TXNDC16: variants seen among roughly 807,000 people sequenced by gnomAD.
TXNDC16 encodes the protein thioredoxin domain containing 16.
A neutral mutation model predicts 85.6 loss-of-function variants in TXNDC16; 74 were observed. That is an observed-to-expected ratio of 0.86 (90% CI 0.72 to 1.05). The LOEUF (loss-of-function observed/expected upper bound fraction) is 1.05, where lower values mean the gene tolerates loss of function less well. Among genes scored for constraint, TXNDC16 ranks in the 50% least tolerant of loss-of-function variants. The pLI, the probability that TXNDC16 is intolerant of heterozygous loss-of-function variation, is 0.00. For missense variants in TXNDC16, 959 were observed against 947.0 expected (o/e 1.01, Z -0.17); for synonymous variants, 335 against 326.5 (o/e 1.03, Z -0.28).
At chr14:52,502,934 GC>G (rs1350404625) in intron 9 of TXNDC16, among the ~76,000 whole-genome samples, 3 of 152,152 alleles carry the variant, frequency 2.0e-5, no homozygotes, top group African/African-American at 4.8e-5. Context: ...TATATCCCGC[GC>G]TTGAGGGCTC....
chr14:52,524,867 T>A (rs113672280), intron 6 of TXNDC16, among the ~76,000 whole-genome samples: 171 of 151,606 alleles, frequency 1.1e-3, no homozygotes, highest in African/African-American at 4.0e-3. Context: ...ACTCCTGTAA[T>A]CCCAGCACTT....
chr14:52,506,712 G>C (rs1264215395), intron 9 of TXNDC16, among the ~76,000 whole-genome samples: 1 of 142,226 alleles, frequency 7.0e-6, no homozygotes, highest in African/African-American at 2.7e-5. Context: ...GCCCGCCACC[G>C]CGCCCGGCTA....
At chr14:52,484,054 G>A (rs900407983) in intron 12 of TXNDC16, among the ~76,000 whole-genome samples, 3 of 152,160 alleles carry the variant, frequency 2.0e-5, no homozygotes, top group Non-Finnish European at 1.5e-5. Context: ...CTGGATATAC[G>A]ATGGTATTAA....
intron 16 of TXNDC16, 41 bp downstream of exon 16, chr14:52,469,996 A>G: frequency 6.6e-7 from 1 of 1,515,022 alleles, no homozygotes; most frequent in Non-Finnish European, 8.8e-7. Flanking sequence ...GCAAGCAATG[A>G]TATACTCTAC....
intron 16 of TXNDC16, among the ~76,000 whole-genome samples, chr14:52,462,171 T>C (rs1382100347): frequency 1.3e-5 from 2 of 152,222 alleles, no homozygotes; most frequent in Non-Finnish European, 2.9e-5. Context: ...TGCTGGCTTT[T>C]AAATGGTTTC....
intron 7 of TXNDC16, among the ~76,000 whole-genome samples, chr14:52,516,264 T>C (rs1179821029): frequency 6.6e-6 from 1 of 152,196 alleles, no homozygotes; most frequent in Non-Finnish European, 1.5e-5. Context: ...AACACCTTCC[T>C]GTGAGAGGAC....
At chr14:52,502,292 A>G (rs2036677028) in intron 9 of TXNDC16, among the ~76,000 whole-genome samples, 2 of 152,250 alleles carry the variant, frequency 1.3e-5, no homozygotes, top group Admixed American at 1.3e-4. Flanking sequence ...CTTATGCATT[A>G]TTCTGTGAAA....
chr14:52,518,555 C>A lies in TXNDC16; in HGVS notation c.514+617G>T, dbSNP rs555458763. ...TTACTTCCCAAACACTGCTAAAATT[C>A]AAATTTATTGCCACCTCCACTGCCA... is the stretch of plus-strand genomic sequence containing the variant. On this transcript the variant is annotated intron_variant, in intron 7 of 20. Coordinates refer to ENST00000281741, the MANE Select transcript of TXNDC16 (RefSeq NM_020784.3). Among the ~76,000 whole-genome samples the A allele has an allele frequency of 6.5e-4, 99 of 152,272 alleles. 1 individual carries two copies. The highest frequency in any genetic ancestry group is 1.9e-3 in the African/African-American group (78 of 41,556).
At chr14:52,544,538 T>C (rs562427074) in intron 1 of TXNDC16, among the ~76,000 whole-genome samples, 167 bp from the exon 2 acceptor site, 1 of 152,028 alleles carries the variant, frequency 6.6e-6, no homozygotes, top group Non-Finnish European at 1.5e-5. Context: ...CAGCAATAGA[T>C]TATTTCTATA....
At chr14:52,471,763 A>G (rs1252793447) in intron 14 of TXNDC16, among the ~76,000 whole-genome samples, 1 of 151,726 alleles carries the variant, frequency 6.6e-6, no homozygotes, top group African/African-American at 2.4e-5. Flanking sequence ...TAAACATTAT[A>G]ATTTCTTTTC....
chr14:52,524,459 T>G (rs922402169), intron 6 of TXNDC16, among the ~76,000 whole-genome samples: 3 of 152,224 alleles, frequency 2.0e-5, no homozygotes, highest in African/African-American at 7.2e-5. Flanking sequence ...CTTTTCTTTT[T>G]GCATCATTTG....
chr14:52,528,166 C>G (rs566068154), intron 6 of TXNDC16, among the ~76,000 whole-genome samples: 2 of 152,176 alleles, frequency 1.3e-5, no homozygotes, highest in Non-Finnish European at 2.9e-5. Context: ...AAACAATGAT[C>G]TTTTCTGCTG....
intron 14 of TXNDC16, among the ~76,000 whole-genome samples, chr14:52,472,004 T>C (rs752998469): frequency 1.0e-4 from 15 of 150,512 alleles, no homozygotes; most frequent in Admixed American, 2.7e-4. Context: ...ATAGCCTAAA[T>C]GTTACTTCAT....
chr14:52,431,333 C>G lies in TXNDC16; in HGVS notation c.*971G>C, dbSNP rs1471227455. On this transcript the variant is annotated 3_prime_UTR_variant, in exon 21 of 21. Transcript: ENST00000281741. ...TTCAATCTGAAATTTAGCCATATAA[C>G]TTGTAGAAATAAGAGGAGGTTTTAA... 6.6e-6 allele frequency: 1 copy of G among 152,138 alleles called. No individual in the cohort carries two copies. The highest frequency in any genetic ancestry group is 1.5e-5 in the Non-Finnish European group (1 of 68,016). The allele number at this position is 152,138 out of a possible 1,614,324, so 9.4% of individuals were successfully genotyped here.
intron 11 of TXNDC16, among the ~76,000 whole-genome samples, 174 bp downstream of exon 11, chr14:52,490,217 A>C (rs2036368246): frequency 6.6e-6 from 1 of 152,240 alleles, no homozygotes; most frequent in South Asian, 2.1e-4. Context: ...TGAACATAGG[A>C]TACAAACCAG....
At chr14:52,547,888 A>G (rs774172638) in intron 1 of TXNDC16, among the ~76,000 whole-genome samples, 2 of 152,232 alleles carry the variant, frequency 1.3e-5, no homozygotes, top group Non-Finnish European at 2.9e-5. Context: ...TTTGTTGACG[A>G]GAGACTGTTC....
chr14:52,494,942 G>A (rs904261859), intron 9 of TXNDC16, among the ~76,000 whole-genome samples: 1 of 152,192 alleles, frequency 6.6e-6, no homozygotes, highest in Non-Finnish European at 1.5e-5. Flanking sequence ...TGTGCTTAAG[G>A]AGGGATACAT....
chr14:52,441,713 T>G (rs1365818139), intron 18 of TXNDC16, among the ~76,000 whole-genome samples: 17 of 152,146 alleles, frequency 1.1e-4, no homozygotes. Flanking sequence ...TATGCCTTTC[T>G]CCTATTAATC....
intron 18 of TXNDC16, among the ~76,000 whole-genome samples, chr14:52,450,696 G>C (rs2035386854): frequency 6.6e-6 from 1 of 152,018 alleles, no homozygotes; most frequent in African/African-American, 2.4e-5. Context: ...ATGGAAAACA[G>C]TTGGAGATTC....
Sources: allele counts gnomAD v4.1 joint callset (sites outside exome capture counted in the v4.1 genomes callset), GRCh38; gene constraint gnomAD v4.1.1; transcripts MANE v1.5; gene names NCBI Gene and HGNC (gene_info 2026-07-23, HGNC 2026-07-21).